Variants in PGM5 observed in about 807,000 individuals in gnomAD.
The protein encoded by PGM5 is phosphoglucomutase 5, also known as phosphoglucomutase-like protein 5.
PGM5 carries 23 observed loss-of-function variants against 59.2 expected under a neutral mutation model. The ratio of observed to expected loss-of-function variants is 0.39; its 90% CI spans 0.28 to 0.55. The LOEUF is 0.55. PGM5 is among the 20% of genes least tolerant of loss of function. The pLI is 0.66. For missense variants in PGM5, 574 were observed against 748.3 expected, an observed-to-expected ratio of 0.77 and a Z score of 2.72; for synonymous variants, 214 against 286.0, an observed-to-expected ratio of 0.75 and a Z score of 2.54.
At chr9:68,517,277 C>T (rs1295383223) in intron 10 of PGM5, among the ~76,000 whole-genome samples, 2 of 152,110 alleles carry the variant, frequency 1.3e-5, no homozygotes, top group African/African-American at 2.4e-5. Context: ...GACTGCAGTA[C>T]CTTTACTCCC....
intron 6 of PGM5, chr9:68,426,780 C>T (rs1351448311): frequency 6.6e-6 from 1 of 152,120 alleles, no homozygotes; most frequent in Non-Finnish European, 1.5e-5. Flanking sequence ...CACTCAAATG[C>T]CTTCTTGAAG....
chr9:68,477,154 T>C (rs1157659217), intron 7 of PGM5, among the ~76,000 whole-genome samples: 11 of 152,194 alleles, frequency 7.2e-5, no homozygotes, highest in African/African-American at 2.7e-4. Flanking sequence ...AGACACTTCA[T>C]GGTGTGATGA....
At chr9:68,405,166 G>T (rs1338228207) in intron 6 of PGM5, 4 of 152,182 alleles carry the variant, frequency 2.6e-5, no homozygotes, top group Admixed American at 6.5e-5. Context: ...TTTGGTTGGG[G>T]TTTGTACTTT....
At chr9:68,529,438 T>C (rs1159034094) in intron 10 of PGM5, 129 bp from the exon 11 acceptor site, 1 of 684,792 alleles carries the variant, frequency 1.5e-6, no homozygotes, top group African/African-American at 1.8e-5. Flanking sequence ...GCAAATGTCC[T>C]GCTCATGAAG....
At chr9:68,361,186 C>G (rs1191130637) in intron 1 of PGM5, among the ~76,000 whole-genome samples, 1 of 152,168 alleles carries the variant, frequency 6.6e-6, no homozygotes, top group Non-Finnish European at 1.5e-5. Context: ...CCTGAAATAT[C>G]TTTTGTGGCT....
intron 7 of PGM5, among the ~76,000 whole-genome samples, chr9:68,471,020 G>A (rs188360919): frequency 6.6e-6 from 1 of 152,334 alleles, no homozygotes; most frequent in Non-Finnish European, 1.5e-5. Flanking sequence ...TTGGAAGAAT[G>A]TCTCCATCAC....
chr9:68,453,393 C>T (rs1237481614), intron 6 of PGM5, among the ~76,000 whole-genome samples: 1 of 152,182 alleles, frequency 6.6e-6, no homozygotes, highest in Non-Finnish European at 1.5e-5. Flanking sequence ...GGCTGGAGTA[C>T]AGTGGCATAA....
At chr9:68,412,497 C>T (rs1822951459) in intron 6 of PGM5, among the ~76,000 whole-genome samples, 1 of 152,198 alleles carries the variant, frequency 6.6e-6, no homozygotes, top group Admixed American at 6.5e-5. Flanking sequence ...AAAGCACTGT[C>T]GAACAGTTGT....
chr9:68,438,201 A>G (rs1259944519), intron 6 of PGM5, among the ~76,000 whole-genome samples: 5 of 149,964 alleles, frequency 3.3e-5, no homozygotes, highest in African/African-American at 1.2e-4. Flanking sequence ...AGGCAGGACA[A>G]TCGCTTGAAC....
chr9:68,515,999 T>A (rs1185893653), intron 10 of PGM5, among the ~76,000 whole-genome samples: 2 of 152,232 alleles, frequency 1.3e-5, no homozygotes, highest in African/African-American at 4.8e-5. Context: ...GTGTTTTGTG[T>A]GTGTTATATC....
intron 6 of PGM5, among the ~76,000 whole-genome samples, chr9:68,438,224 G>C (rs1383019632): frequency 6.7e-6 from 1 of 148,886 alleles, no homozygotes; most frequent in Admixed American, 6.7e-5. Context: ...AGGAGGCAGA[G>C]GTTGCAGTGA....
intron 10 of PGM5, among the ~76,000 whole-genome samples, chr9:68,511,228 A>G (rs1235656530): frequency 2.6e-5 from 4 of 152,198 alleles, no homozygotes; most frequent in Non-Finnish European, 4.4e-5. Context: ...AGTGCCTGTT[A>G]TCTGTCATCT....
chr9:68,466,077 T>C (rs1029336345), intron 7 of PGM5: 114 of 1,143,908 alleles, frequency 1.0e-4, no homozygotes, highest in Non-Finnish European at 5.2e-5. Flanking sequence ...CAATTACACA[T>C]GTGTTAGATA....
In PGM5 at chr9:68,529,704, G is replaced by T. The variant is rs1296890918; in HGVS notation, c.*48G>T. The T allele has an allele frequency of 1.8e-6, 2 of 1,103,310 alleles. No individual in the cohort carries two copies. The highest frequency in any genetic ancestry group is 1.4e-5 in the South Asian group (1 of 70,154). 68.3% of individuals were successfully genotyped at this position (1,103,310 alleles called of 1,614,324 possible). A position where few individuals can be genotyped will look rare whatever the true frequency, so the allele number is the denominator to read the frequency against. On this transcript the variant is annotated 3_prime_UTR_variant, in exon 11 of 11. Coordinates refer to ENST00000396396, the MANE Select transcript of PGM5 (RefSeq NM_021965.4). The stretch of plus-strand genomic sequence containing the variant: ...GGGCCAAAGAGAGTGCTCAGCGGGA[G>T]ATGCTTCACTGATGCCTTCTTGCTA...
At chr9:68,514,581 T>A (rs1824798185) in intron 10 of PGM5, among the ~76,000 whole-genome samples, 1 of 151,998 alleles carries the variant, frequency 6.6e-6, no homozygotes, top group African/African-American at 2.4e-5. Context: ...CTCCAGCTTG[T>A]GTGACAGAGT....
chr9:68,381,902 C>T (rs1266076471), intron 2 of PGM5, among the ~76,000 whole-genome samples: 3 of 151,944 alleles, frequency 2.0e-5, no homozygotes, highest in Admixed American at 6.6e-5. Context: ...AATAGATATC[C>T]TGTGCTCACT....
At chr9:68,359,576 T>C (rs1266935567) in intron 1 of PGM5, among the ~76,000 whole-genome samples, 2 of 152,178 alleles carry the variant, frequency 1.3e-5, no homozygotes, top group African/African-American at 4.8e-5. Flanking sequence ...GCAAAATTGG[T>C]CTTGAATGAT....
chr9:68,379,304 A>G (rs190167125), intron 2 of PGM5, among the ~76,000 whole-genome samples: 7,892 of 152,218 alleles, frequency 0.052, 201 homozygotes, highest in African/African-American at 0.074. Flanking sequence ...GAATGTGGGT[A>G]GGAGCCAAAT....
chr9:68,520,401 A>G (rs895355913), intron 10 of PGM5, among the ~76,000 whole-genome samples: 5 of 152,082 alleles, frequency 3.3e-5, no homozygotes, highest in Non-Finnish European at 5.9e-5. Context: ...GCCCTTGAGT[A>G]TTTTAGCACC....
Sources: gnomAD v4.1 joint callset for allele counts (sites outside exome capture counted in the v4.1 genomes callset) on GRCh38, gnomAD v4.1.1 for gene constraint, MANE v1.5 for transcripts, NCBI Gene and HGNC (gene_info 2026-07-23, HGNC 2026-07-21) for gene names.